ROR1: variants seen among roughly 807,000 people sequenced by gnomAD.
The protein encoded by ROR1 is inactive tyrosine-protein kinase transmembrane receptor ROR1.
ROR1 carries 19 observed loss-of-function variants against 78.8 expected under a neutral mutation model. That is an observed-to-expected ratio of 0.24 (90% CI 0.17 to 0.35). The LOEUF (loss-of-function observed/expected upper bound fraction) is 0.35. ROR1 is among the 10% of genes least tolerant of loss of function. ROR1 has a pLI of 1.00. For missense variants in ROR1, 917 were observed against 1,177.8 expected, an observed-to-expected ratio of 0.78 and a Z score of 3.24; for synonymous variants, 386 against 433.6, an observed-to-expected ratio of 0.89 and a Z score of 1.36.
intron 2 of ROR1, among the ~76,000 whole-genome samples, chr1:64,009,751 A>T (rs1015233701): frequency 1.3e-5 from 2 of 152,176 alleles, no homozygotes; most frequent in African/African-American, 4.8e-5. Context: ...ACCTTTCACG[A>T]TGAGCATTTG....
At chr1:64,133,434 C>A (rs1648991898) in intron 4 of ROR1, among the ~76,000 whole-genome samples, 1 of 152,212 alleles carries the variant, frequency 6.6e-6, no homozygotes, top group Non-Finnish European at 1.5e-5. Context: ...GTTCCACGAT[C>A]CCTCTTAGCA....
At chr1:63,969,043 G>C (rs1464205823) in intron 1 of ROR1, among the ~76,000 whole-genome samples, 1 of 152,146 alleles carries the variant, frequency 6.6e-6, no homozygotes, top group Admixed American at 6.5e-5. Flanking sequence ...AAGCCTGCAG[G>C]GGGGTGTGGG....
chr1:64,041,770 A>C (rs1013174151), intron 2 of ROR1, among the ~76,000 whole-genome samples: 1 of 152,158 alleles, frequency 6.6e-6, no homozygotes, highest in Admixed American at 6.6e-5. Flanking sequence ...TTTCAAGAAA[A>C]TGTGTTCGGC....
chr1:64,151,221 C>T (rs1649611892), intron 7 of ROR1, among the ~76,000 whole-genome samples: 1 of 152,190 alleles, frequency 6.6e-6, no homozygotes, highest in Non-Finnish European at 1.5e-5. Flanking sequence ...GATCAGTTAC[C>T]TTACCTTGCA....
chr1:63,860,602 C>CACACAT (rs1249309148), intron 1 of ROR1, among the ~76,000 whole-genome samples: 3 of 148,882 alleles, frequency 2.0e-5, no homozygotes, highest in African/African-American at 7.6e-5. Flanking sequence ...CACACACACA[C>CACACAT]ACATACACAC....
chr1:64,050,335 G>A (rs564474015), intron 3 of ROR1, among the ~76,000 whole-genome samples: 4 of 152,244 alleles, frequency 2.6e-5, no homozygotes, highest in African/African-American at 9.6e-5. Context: ...TGCCATCAAG[G>A]ACTAGAAGGA....
intron 1 of ROR1, among the ~76,000 whole-genome samples, chr1:63,789,753 C>G (rs543576730): frequency 2.8e-4 from 39 of 141,022 alleles, no homozygotes; most frequent in African/African-American, 1.0e-3. Context: ...ATGTTTGTCT[C>G]TCCCTCTGCA....
Position 64,067,710 on chromosome 1 carries a change from C to CTTTTTTTTTTTT in ROR1, c.482+17003_482+17014dup, listed in dbSNP as rs986756579. On this transcript the variant is annotated intron_variant, in intron 4 of 8. Coordinates refer to ENST00000371079, the MANE Select transcript of ROR1 (RefSeq NM_005012.4). ...TATTTCTATCCAAGTTAAATAAATT[C>CTTTTTTTTTTTT]TTTTTTTTTTTTTTTTTTTTGAGAC... Among the ~76,000 whole-genome samples, 842 of 105,626 alleles carry CTTTTTTTTTTTT rather than the reference C, an allele frequency of 8.0e-3. 73 individuals are homozygous for CTTTTTTTTTTTT. The highest frequency in any genetic ancestry group is 0.025 in the African/African-American group (587 of 23,490). The allele number at this position is 105,626 out of a possible 152,430, so 69.3% of individuals were successfully genotyped here. A position where few individuals can be genotyped will look rare whatever the true frequency, so the allele number is the denominator to read the frequency against.
chr1:64,137,259 G>A, intron 4 of ROR1, 110 bp from the exon 5 acceptor site: 5 of 1,106,988 alleles, frequency 4.5e-6, no homozygotes, highest in Non-Finnish European at 6.5e-6. Context: ...TTTGTATATT[G>A]TGCCCAACTG....
intron 1 of ROR1, among the ~76,000 whole-genome samples, chr1:63,800,655 G>C (rs1037904554): frequency 3.3e-5 from 5 of 152,182 alleles, no homozygotes; most frequent in African/African-American, 1.2e-4. Flanking sequence ...ACATTACCTG[G>C]GAGCTTGCTG....
intron 8 of ROR1, among the ~76,000 whole-genome samples, chr1:64,167,855 A>G (rs190481914): frequency 6.6e-6 from 1 of 152,230 alleles, no homozygotes; most frequent in East Asian, 1.9e-4. Flanking sequence ...GAGAGCTCTT[A>G]TACCTTGAGC....
Position 63,806,005 on chromosome 1 carries a change from C to T in ROR1, c.91+31497C>T, listed in dbSNP as rs541482679. Among the ~76,000 whole-genome samples, 103 of 152,238 alleles carry T rather than the reference C, an allele frequency of 6.8e-4. 2 individuals carry two copies. Among genetic ancestry groups the T allele is most frequent in the Middle Eastern group, 3.4e-3 (1 of 292 alleles). ...CTGCACTCAAGGCTGGGCAACAAAG[C>T]GAGACGCTGTCTCAAAAAATAAATA... On this transcript the variant is annotated intron_variant, in intron 1 of 8. Transcript: ENST00000371079.
intron 4 of ROR1, among the ~76,000 whole-genome samples, chr1:64,052,355 C>A (rs1462383569): frequency 6.6e-6 from 1 of 152,116 alleles, no homozygotes; most frequent in African/African-American, 2.4e-5. Flanking sequence ...AATCTATATC[C>A]CAGGCTGATT....
At chr1:63,838,556 C>T (rs1298181067) in intron 1 of ROR1, among the ~76,000 whole-genome samples, 1 of 151,950 alleles carries the variant, frequency 6.6e-6, no homozygotes, top group Non-Finnish European at 1.5e-5. Context: ...TACAGCTATA[C>T]AATGTGTTTA....
At position 64,179,998 on chromosome 1, in the gene ROR1, A is replaced by T. The variant is rs971567413; in HGVS notation, c.*1143A>T. On this transcript the variant is annotated 3_prime_UTR_variant, in exon 9 of 9. Coordinates refer to ENST00000371079, the MANE Select transcript of ROR1 (RefSeq NM_005012.4). The stretch of plus-strand genomic sequence containing the variant: ...ATTACAACAATGTATTCATACAGTC[A>T]GTTGGAATCCAAAGGCAATTAATTC... The T allele has an allele frequency of 6.6e-6, 1 of 152,236 alleles. No homozygotes were observed. The highest frequency in any genetic ancestry group is 1.5e-5 in the Non-Finnish European group (1 of 68,036). 9.4% of individuals were successfully genotyped at this position (152,236 alleles called of 1,614,324 possible).
At chr1:63,784,215 C>T (rs184690195) in intron 1 of ROR1, among the ~76,000 whole-genome samples, 1 of 152,224 alleles carries the variant, frequency 6.6e-6, no homozygotes, top group African/African-American at 2.4e-5. Flanking sequence ...GGATTTATTT[C>T]TCTCTTCCTT....
chr1:63,958,193 C>G (rs1020880592), intron 1 of ROR1, among the ~76,000 whole-genome samples: 1 of 152,138 alleles, frequency 6.6e-6, no homozygotes, highest in Admixed American at 6.5e-5. Flanking sequence ...GCAAGTATGT[C>G]TGAAAAATAC....
intron 1 of ROR1, among the ~76,000 whole-genome samples, chr1:63,923,021 T>C (rs573561174): frequency 5.9e-4 from 90 of 152,338 alleles, no homozygotes; most frequent in Middle Eastern, 3.4e-3. Context: ...CTTCCTGTGC[T>C]GTTGGTAGGG....
intron 1 of ROR1, among the ~76,000 whole-genome samples, chr1:63,810,336 G>A (rs928957734): frequency 3.9e-5 from 6 of 152,138 alleles, no homozygotes; most frequent in African/African-American, 1.4e-4. Flanking sequence ...CTTCCAAGTT[G>A]TCTAGCCCTG....
Sources: allele counts gnomAD v4.1 joint callset (sites outside exome capture counted in the v4.1 genomes callset), GRCh38; gene constraint gnomAD v4.1.1; transcripts MANE v1.5; gene names NCBI Gene and HGNC (gene_info 2026-07-23, HGNC 2026-07-21).